The following ELL2 variants were observed in gnomAD, a reference collection of about 807,000 sequenced individuals.
ELL2 encodes the protein RNA polymerase II elongation factor ELL2.
In ELL2, 21 loss-of-function variants were observed where a neutral mutation model predicts 72.8. The observed-to-expected ratio is 0.29, with a 90% CI of 0.20 to 0.42. The LOEUF (loss-of-function observed/expected upper bound fraction) is 0.42. Among genes scored for constraint, ELL2 ranks in the 10% least tolerant of loss-of-function variants. The pLI, the probability that ELL2 is intolerant of heterozygous loss-of-function variation, is 1.00. For synonymous variants in ELL2, 266 were observed against 283.2 expected (o/e 0.94, Z 0.61); for missense variants, 568 against 772.8 (o/e 0.73, Z 3.14).
intron 1 of ELL2, among the ~76,000 whole-genome samples, chr5:95,956,834 T>C (rs971037177): frequency 2.6e-5 from 4 of 152,214 alleles, no homozygotes; most frequent in Non-Finnish European, 5.9e-5. Flanking sequence ...ACTTATGCTT[T>C]GTAAATAGCA....
chr5:95,942,683 G>T (rs1751012027), intron 2 of ELL2, among the ~76,000 whole-genome samples: 2 of 152,138 alleles, frequency 1.3e-5, no homozygotes, highest in Non-Finnish European at 2.9e-5. Context: ...CCGTATGGAT[G>T]TTAAGCTGTG....
intron 1 of ELL2, among the ~76,000 whole-genome samples, chr5:95,946,285 G>A (rs1561513146): frequency 1.3e-5 from 2 of 152,168 alleles, no homozygotes; most frequent in African/African-American, 2.4e-5. Context: ...AGTGGACAGA[G>A]CAGATATTCC....
intron 2 of ELL2, among the ~76,000 whole-genome samples, chr5:95,927,454 C>G (rs1268695346): frequency 2.2e-5 from 1 of 46,086 alleles, no homozygotes; most frequent in Non-Finnish European, 3.6e-5. Flanking sequence ...TAGACATACA[C>G]ACACACGTGT....
chr5:95,919,269 G>GT (rs1367090539), intron 3 of ELL2, among the ~76,000 whole-genome samples, 155 bp downstream of exon 3: 3 of 152,156 alleles, frequency 2.0e-5, no homozygotes, highest in Non-Finnish European at 4.4e-5. Flanking sequence ...CTATTACACA[G>GT]TAGGTGCTTA....
intron 2 of ELL2, among the ~76,000 whole-genome samples, chr5:95,926,676 T>G (rs920275105): frequency 6.6e-6 from 1 of 152,214 alleles, no homozygotes; most frequent in African/African-American, 2.4e-5. Context: ...TATAGCAGCC[T>G]AATACTGAGA....
chr5:95,955,015 C>T (rs777835850), intron 1 of ELL2, among the ~76,000 whole-genome samples: 4 of 152,172 alleles, frequency 2.6e-5, no homozygotes, highest in Non-Finnish European at 5.9e-5. Flanking sequence ...CTCTCTTAAA[C>T]TCAACTACAT....
chr5:95,927,459 A>G lies in ELL2; in HGVS notation c.196-7914T>C, dbSNP rs1383343062. On this transcript the variant is annotated intron_variant, in intron 2 of 11. Coordinates refer to ENST00000237853, the MANE Select transcript of ELL2 (RefSeq NM_012081.6). ...CGTGTGTATATAGACATACACACACACGTGTGTATATAGACATACACACAC... is the reference window on the plus strand; with the variant it reads ...CGTGTGTATATAGACATACACACACGCGTGTGTATATAGACATACACACAC... 6.0e-4 allele frequency among the ~76,000 whole-genome samples: 25 copies of G among 41,974 alleles called. 7 individuals are homozygous for G. The highest frequency in any genetic ancestry group is 1.3e-3 in the African/African-American group (6 of 4,772). 27.5% of individuals were successfully genotyped at this position (41,974 alleles called of 152,430 possible). A position where few individuals can be genotyped will look rare whatever the true frequency, so the allele number is the denominator to read the frequency against.
intron 1 of ELL2, among the ~76,000 whole-genome samples, chr5:95,947,377 A>C (rs963842461): frequency 6.6e-6 from 1 of 152,176 alleles, no homozygotes; most frequent in African/African-American, 2.4e-5. Context: ...ATCTTTTTTT[A>C]CCTCACGCCC....
intron 1 of ELL2, among the ~76,000 whole-genome samples, chr5:95,957,302 T>C (rs1014789361): frequency 1.3e-5 from 2 of 152,248 alleles, no homozygotes; most frequent in Admixed American, 1.3e-4. Context: ...TTAAATATAG[T>C]TTTCCATTTG....
chr5:95,961,100 T>C (rs968811326), intron 1 of ELL2, among the ~76,000 whole-genome samples: 1 of 152,002 alleles, frequency 6.6e-6, no homozygotes, highest in African/African-American at 2.4e-5. Flanking sequence ...AGCGCCTGTG[T>C]CCTGTCTCTG....
intron 1 of ELL2, among the ~76,000 whole-genome samples, chr5:95,952,332 AT>A (rs1751444938): frequency 2.0e-5 from 3 of 152,262 alleles, no homozygotes; most frequent in African/African-American, 7.2e-5. Context: ...GAGGGTGAGG[AT>A]CAAAAAACTA....
intron 1 of ELL2, among the ~76,000 whole-genome samples, chr5:95,947,595 C>G (rs539481859): frequency 2.6e-5 from 4 of 152,186 alleles, no homozygotes; most frequent in Non-Finnish European, 5.9e-5. Flanking sequence ...TAATGAGTCT[C>G]TAAGAGGTAG....
chr5:95,906,577 C>G lies in ELL2; in HGVS notation c.687G>C (p.Gln229His), dbSNP rs1413991719. ...YKKPELLARL[Q>H]KDGVNQKDKN... is the part of the protein sequence containing the mutation. ...TGTCTTTTTGATTGACACCATCTTT[C>G]TGGAGTCTAGCAAGTAGCTCCGGTT... The change falls in exon 5 of 12, where the codon CAG becomes CAC. Residue 229 changes from glutamine (Q) to histidine (H), a missense_variant. Transcript: ENST00000237853. The G allele has an allele frequency of 1.8e-5, 29 of 1,614,068 alleles. No homozygotes were observed. The highest frequency in any genetic ancestry group is 2.5e-5 in the Non-Finnish European group (29 of 1,179,958).
chr5:95,903,615 T>G (rs1749231342), intron 5 of ELL2, among the ~76,000 whole-genome samples: 1 of 152,154 alleles, frequency 6.6e-6, no homozygotes, highest in South Asian at 2.1e-4. Flanking sequence ...CTGCTCTGTT[T>G]TCCTCATTCT....
At chr5:95,956,749 G>A (rs1751642225) in intron 1 of ELL2, among the ~76,000 whole-genome samples, 1 of 152,200 alleles carries the variant, frequency 6.6e-6, no homozygotes, top group Non-Finnish European at 1.5e-5. Flanking sequence ...TGGACTCAGT[G>A]ATTTAACAAA....
chr5:95,894,087 C>T (rs980597990), intron 9 of ELL2, among the ~76,000 whole-genome samples: 2 of 152,160 alleles, frequency 1.3e-5, no homozygotes, highest in South Asian at 4.1e-4. Flanking sequence ...GCCATCTCTA[C>T]TAAAAATACA....
chr5:95,921,812 C>T (rs932656179), intron 2 of ELL2, among the ~76,000 whole-genome samples: 2 of 152,182 alleles, frequency 1.3e-5, no homozygotes, highest in African/African-American at 4.8e-5. Flanking sequence ...AAATCCCCTC[C>T]CTAGGCATGA....
chr5:95,959,588 G>GTC (rs1243398413), intron 1 of ELL2, among the ~76,000 whole-genome samples: 2 of 152,164 alleles, frequency 1.3e-5, no homozygotes, highest in Non-Finnish European at 2.9e-5. Context: ...TCTGATGCTG[G>GTC]TCTCTTCACT....
chr5:95,928,638 A>G (rs1388187845), intron 2 of ELL2, among the ~76,000 whole-genome samples: 1 of 152,172 alleles, frequency 6.6e-6, no homozygotes, highest in African/African-American at 2.4e-5. Flanking sequence ...AACATTTCTT[A>G]AATGTATATT....
Sources: gnomAD v4.1 joint callset for allele counts (sites outside exome capture counted in the v4.1 genomes callset) on GRCh38, gnomAD v4.1.1 for gene constraint, MANE v1.5 for transcripts, NCBI Gene and HGNC (gene_info 2026-07-23, HGNC 2026-07-21) for gene names.